CEP63: variants seen among roughly 807,000 people sequenced by gnomAD.
CEP63 encodes the protein centrosomal protein 63, also known as centrosomal protein of 63 kDa.
A neutral mutation model predicts 89.1 loss-of-function variants in CEP63; 84 were observed. The ratio of observed to expected loss-of-function variants is 0.94; its 90% CI spans 0.79 to 1.13. CEP63 has a LOEUF of 1.13. Ranked by LOEUF, CEP63 falls within the 50% of genes most tolerant of loss-of-function variation. The probability of loss-of-function intolerance (pLI) is 0.00; values close to 1 mark genes in which losing one functional copy is unlikely to be tolerated. For missense variants in CEP63, 838 were observed against 813.3 expected, an observed-to-expected ratio of 1.03 and a Z score of -0.37; for synonymous variants, 267 against 272.5, an observed-to-expected ratio of 0.98 and a Z score of 0.20.
chr3:134,581,955 G>A (rs570209271), intron 10 of CEP63, among the ~76,000 whole-genome samples: 1 of 151,944 alleles, frequency 6.6e-6, no homozygotes, highest in African/African-American at 2.4e-5. Context: ...GATTACAGGC[G>A]TGAGCCACCG....
chr3:134,538,533 G>GTGTA lies in CEP63; in HGVS notation c.555+1266_555+1267insGTAT, dbSNP rs1553770392. ...ACCTAATAAGAAATTGTGTGTGTGT[G>GTGTA]TATATATATATATATATATATGTAT... On this transcript the variant is annotated intron_variant, in intron 6 of 14. Coordinates refer to ENST00000675561, the MANE Select transcript of CEP63 (RefSeq NM_001353108.3). Among the ~76,000 whole-genome samples, 162 of 101,352 alleles carry GTGTA rather than the reference G, an allele frequency of 1.6e-3. 5 individuals are homozygous for GTGTA. The Middle Eastern group carries it at 0.025, about 15-fold the overall frequency. The allele number at this position is 101,352 out of a possible 152,430, so 66.5% of individuals were successfully genotyped here. A position where few individuals can be genotyped will look rare whatever the true frequency, so the allele number is the denominator to read the frequency against.
At chr3:134,596,336 A>G in the CEP63 span, among the ~76,000 whole-genome samples, 3 of 152,152 alleles carry the variant, frequency 2.0e-5, no homozygotes, top group East Asian at 1.9e-4. Flanking sequence ...GACTTGTTCT[A>G]TCTTCCAAGT....
downstream of CEP63, among the ~76,000 whole-genome samples, chr3:134,566,817 T>C (rs1199920380): frequency 1.1e-4 from 16 of 152,210 alleles, no homozygotes. Context: ...AACACTCATA[T>C]GTTGCTGATG....
chr3:134,553,424 A>G (rs1201047723), intron 12 of CEP63: 1 of 152,172 alleles, frequency 6.6e-6, no homozygotes, highest in Non-Finnish European at 1.5e-5. Flanking sequence ...TAATCAGACA[A>G]AAGGTTAATG....
the CEP63 span, among the ~76,000 whole-genome samples, chr3:134,706,810 G>T: frequency 2.0e-5 from 3 of 152,146 alleles, no homozygotes; most frequent in Non-Finnish European, 4.4e-5. Context: ...GCTTCTGGTG[G>T]CTCCAGCAAT....
the CEP63 span, among the ~76,000 whole-genome samples, chr3:134,761,601 G>T: frequency 0.96 from 146,895 of 152,306 alleles, 71,028 homozygotes; most frequent in East Asian, 1. Flanking sequence ...GCCTCCACTC[G>T]CCACCCTGGG....
chr3:134,534,841 C>T (rs1045321635), intron 5 of CEP63, among the ~76,000 whole-genome samples: 2 of 152,116 alleles, frequency 1.3e-5, no homozygotes, highest in African/African-American at 2.4e-5. Context: ...TGCTTTTCTC[C>T]TCAAACTCTC....
chr3:134,503,434 A>C (rs1283263571), intron 2 of CEP63, among the ~76,000 whole-genome samples: 1 of 152,106 alleles, frequency 6.6e-6, no homozygotes, highest in Non-Finnish European at 1.5e-5. Context: ...GGCCTAACAT[A>C]TGGTCTATCC....
At chr3:134,714,875 A>G in the CEP63 span, among the ~76,000 whole-genome samples, 7 of 152,302 alleles carry the variant, frequency 4.6e-5, no homozygotes, top group South Asian at 1.0e-3. Flanking sequence ...ATCCACCCCA[A>G]TGGAGAAGAC....
chr3:134,580,733 G>A (rs1958326425), intron 10 of CEP63, among the ~76,000 whole-genome samples: 1 of 152,142 alleles, frequency 6.6e-6, no homozygotes, highest in African/African-American at 2.4e-5. Flanking sequence ...TATCTCATAT[G>A]AATTCAAGGT....
chr3:134,497,152 T>C (rs1340623099), intron 2 of CEP63, among the ~76,000 whole-genome samples: 1 of 152,190 alleles, frequency 6.6e-6, no homozygotes, highest in Non-Finnish European at 1.5e-5. Context: ...GTTTTTCTTG[T>C]ATATTCTGGA....
At chr3:134,708,462 G>A in the CEP63 span, among the ~76,000 whole-genome samples, 49 of 152,324 alleles carry the variant, frequency 3.2e-4, no homozygotes, top group South Asian at 6.6e-3. Context: ...GCCCTGTCAG[G>A]CCTCTCCAGG....
the CEP63 span, among the ~76,000 whole-genome samples, chr3:134,750,977 C>T: frequency 2.0e-5 from 3 of 152,220 alleles, no homozygotes; most frequent in Non-Finnish European, 2.9e-5. Flanking sequence ...GCAACCACCA[C>T]CTCTGTCTAG....
At chr3:134,670,662 A>T in the CEP63 span, among the ~76,000 whole-genome samples, 1 of 152,226 alleles carries the variant, frequency 6.6e-6, no homozygotes, top group Non-Finnish European at 1.5e-5. Context: ...AATTTTGGAG[A>T]GCTATTTGGC....
chr3:134,558,264 T>C lies in CEP63; in HGVS notation c.1590T>C (p.Ser530=). Reference sequence around the variant, plus strand: ...ATACCAAATCTCAGCTGGAGATTTCTACTCAGATGTGCAAAAAACAAAATG... The same window carrying C: ...ATACCAAATCTCAGCTGGAGATTTCCACTCAGATGTGCAAAAAACAAAATG... ...LMNTKSQLEI[S]TQMCKKQNDR... Residue 530 remains serine (S), a synonymous_variant, in exon 13 of 15, where the codon TCT becomes TCC. Coordinates refer to ENST00000675561, the MANE Select transcript of CEP63 (RefSeq NM_001353108.3). The C allele has an allele frequency of 6.2e-7, 1 of 1,613,694 alleles. No individual in the cohort carries two copies. The highest frequency in any genetic ancestry group is 8.5e-7 in the Non-Finnish European group (1 of 1,179,656).
chr3:134,591,257 C>T (rs1430008277), downstream of CEP63, among the ~76,000 whole-genome samples: 3 of 152,206 alleles, frequency 2.0e-5, no homozygotes, highest in African/African-American at 7.2e-5. Context: ...TCTGATTCCT[C>T]ATCTGTTGCA....
the CEP63 span, among the ~76,000 whole-genome samples, chr3:134,673,456 G>T: frequency 0.3 from 45,933 of 151,778 alleles, 7,691 homozygotes; most frequent in African/African-American, 0.45. Context: ...CATCAAAATG[G>T]CTCTCTCACT....
intron 1 of CEP63, among the ~76,000 whole-genome samples, chr3:134,486,869 T>G (rs942492730): frequency 6.6e-6 from 1 of 152,110 alleles, no homozygotes; most frequent in African/African-American, 2.4e-5. Flanking sequence ...TAGAAAGAAA[T>G]AAGGACGGTT....
rs1953675032 is a variant in CEP63, at chr3:134,547,466, A to G, written c.1061A>G (p.Glu354Gly). The change falls in exon 9 of 15, where the codon GAA becomes GGA. Residue 354 changes from glutamate (E) to glycine (G), a missense_variant. Coordinates refer to ENST00000675561, the MANE Select transcript of CEP63 (RefSeq NM_001353108.3). ...DLLQAEVTCL[E>G]GSLESVSATC... Reference sequence around the variant, plus strand: ...CTGCAGGCAGAGGTGACTTGTCTTGAAGGCAGGTACATAATTATACACACA... The same window carrying G: ...CTGCAGGCAGAGGTGACTTGTCTTGGAGGCAGGTACATAATTATACACACA... 6.2e-7 allele frequency: 1 copy of G among 1,613,564 alleles called. No homozygotes were observed. The highest frequency in any genetic ancestry group is 1.7e-5 in the Admixed American group (1 of 59,982).
Sources: gnomAD v4.1 joint callset for allele counts (sites outside exome capture counted in the v4.1 genomes callset) on GRCh38, gnomAD v4.1.1 for gene constraint, MANE v1.5 for transcripts, NCBI Gene and HGNC (gene_info 2026-07-23, HGNC 2026-07-21) for gene names.